The following ENOX1 variants were observed in gnomAD, a reference collection of about 807,000 sequenced individuals.
The protein encoded by ENOX1 is ecto-NOX disulfide-thiol exchanger 1, also known as candidate growth-related and time keeping constitutive hydroquinone (NADH) oxidase.
A neutral mutation model predicts 82.5 loss-of-function variants in ENOX1; 42 were observed. The observed-to-expected ratio is 0.51, with a 90% confidence interval of 0.40 to 0.66. ENOX1 has a LOEUF of 0.66. Ranked by LOEUF, ENOX1 falls within the 30% of genes least tolerant of loss-of-function variation. The probability of loss-of-function intolerance (pLI) is 0.00; values close to 1 mark genes in which losing one functional copy is unlikely to be tolerated. For missense variants in ENOX1, 608 were observed against 811.6 expected (o/e 0.75, Z 3.05); for synonymous variants, 271 against 282.2 (o/e 0.96, Z 0.40).
chr13:43,574,295 T>C (rs923496226), intron 2 of ENOX1, among the ~76,000 whole-genome samples: 7 of 152,080 alleles, frequency 4.6e-5, no homozygotes, highest in African/African-American at 1.7e-4. Context: ...CAGGTAGACA[T>C]GGGTCCTAAA....
intron 5 of ENOX1, among the ~76,000 whole-genome samples, chr13:43,378,475 C>T (rs974531641): frequency 1.3e-5 from 2 of 152,034 alleles, no homozygotes; most frequent in Admixed American, 6.6e-5. Flanking sequence ...AAAGAAACAC[C>T]CAAAAGGTTT....
chr13:43,644,519 G>A (rs902045881), intron 2 of ENOX1, among the ~76,000 whole-genome samples: 2 of 152,102 alleles, frequency 1.3e-5, no homozygotes, highest in Non-Finnish European at 2.9e-5. Context: ...ATGCTTTAGC[G>A]AAGGAATTTA....
intron 12 of ENOX1, among the ~76,000 whole-genome samples, chr13:43,297,763 G>A (rs1043577779): frequency 3.3e-5 from 5 of 152,168 alleles, no homozygotes; most frequent in African/African-American, 1.2e-4. Context: ...GATGAGGTCT[G>A]GCACTCTTCA....
At chr13:43,607,920 C>T (rs905264986) in intron 2 of ENOX1, among the ~76,000 whole-genome samples, 1 of 152,188 alleles carries the variant, frequency 6.6e-6, no homozygotes, top group Admixed American at 6.5e-5. Context: ...TAATATCTGT[C>T]TAATCCTCTC....
At chr13:43,525,450 A>G (rs1407467819) in intron 2 of ENOX1, among the ~76,000 whole-genome samples, 1 of 152,190 alleles carries the variant, frequency 6.6e-6, no homozygotes, top group Non-Finnish European at 1.5e-5. Flanking sequence ...TTCACTTAAC[A>G]TAATATTCTC....
intron 12 of ENOX1, among the ~76,000 whole-genome samples, chr13:43,276,168 C>G (rs1037436104): frequency 1.3e-5 from 2 of 152,146 alleles, no homozygotes; most frequent in Non-Finnish European, 2.9e-5. Context: ...AGAGTATCAC[C>G]TAAGGAAATG....
intron 5 of ENOX1, among the ~76,000 whole-genome samples, chr13:43,398,206 C>T (rs1413282134): frequency 2.0e-5 from 3 of 152,290 alleles, no homozygotes; most frequent in Middle Eastern, 3.4e-3. Context: ...ACTCAATACA[C>T]GAGTTTTAAT....
At chr13:43,691,119 CCTT>C (rs2086340555) in intron 1 of ENOX1, among the ~76,000 whole-genome samples, 1 of 152,162 alleles carries the variant, frequency 6.6e-6, no homozygotes. Flanking sequence ...CCTGCCATCT[CCTT>C]CTCTTCACAA....
At chr13:43,630,860 T>TATACACACAC (rs34023929) in intron 2 of ENOX1, among the ~76,000 whole-genome samples, 87 of 147,796 alleles carry the variant, frequency 5.9e-4, no homozygotes, top group African/African-American at 1.7e-3. Context: ...TATATATATA[T>TATACACACAC]ACACACACAC....
intron 14 of ENOX1, among the ~76,000 whole-genome samples, chr13:43,246,997 T>C (rs760832973): frequency 2.6e-5 from 4 of 152,146 alleles, no homozygotes; most frequent in Non-Finnish European, 4.4e-5. Flanking sequence ...AGAATATTGA[T>C]ACCAGAATCA....
At chr13:43,453,785 T>A (rs1208308834) in intron 3 of ENOX1, among the ~76,000 whole-genome samples, 1 of 152,162 alleles carries the variant, frequency 6.6e-6, no homozygotes, top group East Asian at 1.9e-4. Flanking sequence ...GTTAGGAATA[T>A]GTGTGAATGG....
At chr13:43,728,019 G>A (rs1234457057) in intron 1 of ENOX1, among the ~76,000 whole-genome samples, 1 of 152,112 alleles carries the variant, frequency 6.6e-6, no homozygotes, top group Non-Finnish European at 1.5e-5. Context: ...TGTACTAAAG[G>A]CCATGGCAGC....
chr13:43,560,155 C>T (rs2079607311), intron 2 of ENOX1, among the ~76,000 whole-genome samples: 1 of 152,150 alleles, frequency 6.6e-6, no homozygotes, highest in Non-Finnish European at 1.5e-5. Context: ...AATATTCATG[C>T]AACATTGTTC....
At chr13:43,351,186 CT>C (rs1369597456) in intron 8 of ENOX1, among the ~76,000 whole-genome samples, 2 of 152,170 alleles carry the variant, frequency 1.3e-5, no homozygotes, top group African/African-American at 4.8e-5. Context: ...AAGAAGTCTC[CT>C]TTTCCTGGCT....
At chr13:43,710,911 G>T (rs910965296) in intron 1 of ENOX1, among the ~76,000 whole-genome samples, 14 of 151,558 alleles carry the variant, frequency 9.2e-5, no homozygotes, top group African/African-American at 3.4e-4. Context: ...AAGAAAGTTG[G>T]TTTTTTAAAT....
intron 2 of ENOX1, among the ~76,000 whole-genome samples, chr13:43,542,883 G>A (rs11619397): frequency 0.14 from 21,149 of 152,048 alleles, 2,041 homozygotes; most frequent in East Asian, 0.48. Flanking sequence ...GTTCATAGAC[G>A]GCTGTCTCCT....
chr13:43,238,323 T>C (rs1346346228), intron 14 of ENOX1, among the ~76,000 whole-genome samples: 2 of 152,216 alleles, frequency 1.3e-5, no homozygotes, highest in Non-Finnish European at 2.9e-5. Flanking sequence ...AGGCTTATTA[T>C]GTAGATGGGA....
intron 2 of ENOX1, among the ~76,000 whole-genome samples, chr13:43,616,506 T>C (rs907736253): frequency 7.9e-5 from 12 of 151,702 alleles, no homozygotes; most frequent in African/African-American, 2.9e-4. Context: ...CCAGCCGACA[T>C]ATAATATTTT....
At chr13:43,557,734 G>A (rs2079503921) in intron 2 of ENOX1, among the ~76,000 whole-genome samples, 1 of 152,106 alleles carries the variant, frequency 6.6e-6, no homozygotes. Context: ...GGCATTCGAG[G>A]TTGCAGTGAG....
Sources: allele counts gnomAD v4.1 joint callset (sites outside exome capture counted in the v4.1 genomes callset), GRCh38; gene constraint gnomAD v4.1.1; transcripts MANE v1.5; gene names NCBI Gene and HGNC (gene_info 2026-07-23, HGNC 2026-07-21).